WAC: variants seen among roughly 807,000 people sequenced by gnomAD.
WAC encodes WW domain-containing adapter protein with coiled-coil.
WAC carries 11 observed loss-of-function variants against 79.6 expected under a neutral mutation model. The ratio of observed to expected loss-of-function variants is 0.14; its 90% CI spans 0.09 to 0.23. The LOEUF (loss-of-function observed/expected upper bound fraction) is 0.23. Among genes scored for constraint, WAC ranks in the 10% least tolerant of loss-of-function variants. The pLI is 1.00. For missense variants in WAC, 728 were observed against 773.5 expected (o/e 0.94, Z 0.70); for synonymous variants, 304 against 276.9 (o/e 1.10, Z -0.97).
chr10:28,551,784 T>TGTGTGTGTG (rs1837682780), intron 3 of WAC, among the ~76,000 whole-genome samples: 65 of 124,812 alleles, frequency 5.2e-4, no homozygotes, highest in South Asian at 1.8e-3. Flanking sequence ...TCCTGTCTAC[T>TGTGTGTGTG]TGTGTGTGTG....
rs1839641557 is a variant in WAC at position 28,583,438 on chromosome 10, G to A, written c.314G>A (p.Ser105Asn). Residue 105 changes from serine (S) to asparagine (N), a missense_variant, in exon 4 of 14, where the codon AGT becomes AAT. Ser to Asn is a conservative substitution (Grantham distance 46). Coordinates refer to ENST00000354911, the MANE Select transcript of WAC (RefSeq NM_016628.5). ...YSPQENSHNH[S>N]ALHSSNSHSS... ...CCACAAGAAAATTCACACAACCACA[G>A]TGCTCTTCATAGTTCAAATTCACAT... 6.3e-7 allele frequency: 1 copy of A among 1,594,220 alleles called. No individual in the cohort carries two copies. The highest frequency in any genetic ancestry group is 8.5e-7 in the Non-Finnish European group (1 of 1,172,948).
chr10:28,621,251 A>C lies in WAC; in HGVS notation c.*1645A>C, dbSNP rs2132894254. On this transcript the variant is annotated 3_prime_UTR_variant, in exon 14 of 14. Transcript: ENST00000354911. ...TTTTTTTTTTCTGTTGGGGCAGATA[A>C]GTGCTTCCAAAACTGGCAGCACCAA... is the stretch of plus-strand genomic sequence containing the variant. The C allele has an allele frequency of 7.5e-6, 1 of 133,850 alleles. No homozygotes were observed. Among genetic ancestry groups the C allele is most frequent in the African/African-American group, 2.9e-5 (1 of 34,664 alleles). 8.3% of individuals were successfully genotyped at this position (133,850 alleles called of 1,614,324 possible).
At chr10:28,598,049 C>G (rs1313644323) in intron 7 of WAC, among the ~76,000 whole-genome samples, 5 of 152,252 alleles carry the variant, frequency 3.3e-5, no homozygotes, top group African/African-American at 9.6e-5. Flanking sequence ...ATTACAGGTG[C>G]GAGCCACCGT....
intron 3 of WAC, among the ~76,000 whole-genome samples, chr10:28,549,583 C>G (rs1391051660): frequency 6.6e-6 from 1 of 152,118 alleles, no homozygotes; most frequent in Non-Finnish European, 1.5e-5. Flanking sequence ...GTTTACAGAC[C>G]TGTTGTCTCA....
chr10:28,542,346 C>T (rs1035762638), intron 3 of WAC, among the ~76,000 whole-genome samples: 1 of 152,182 alleles, frequency 6.6e-6, no homozygotes, highest in African/African-American at 2.4e-5. Flanking sequence ...TATAACATGA[C>T]ATGGGCATTT....
At chr10:28,573,375 A>T (rs1415945235) in intron 3 of WAC, among the ~76,000 whole-genome samples, 1 of 152,178 alleles carries the variant, frequency 6.6e-6, no homozygotes, top group African/African-American at 2.4e-5. Flanking sequence ...GATATGTCAT[A>T]TAAACTGATT....
intron 2 of WAC, 44 bp downstream of exon 2, chr10:28,534,078 G>C: frequency 6.5e-7 from 1 of 1,538,600 alleles, no homozygotes; most frequent in Non-Finnish European, 8.7e-7. Context: ...GGGGCCGGAG[G>C]GGGAAGGGAG....
Position 28,595,734 on chromosome 10 carries a change from G to A in WAC, c.612G>A (p.Met204Ile). Residue 204 changes from methionine (M) to isoleucine (I), a missense_variant and splice_region_variant, in exon 7 of 14, where the codon ATG becomes ATA. Physicochemically the swap from Met to Ile is conservative, Grantham distance 10. Transcript: ENST00000354911. Reference protein sequence around the residue: ...ATATSGFASGMEDKHSSDASS... With the variant: ...ATATSGFASGIEDKHSSDASS... ...GTTTTTTCGAACTGTGAACTAAAGTGGAAGACAAGCATTCCAGTGATGCCA... is the reference window on the plus strand; with the variant it reads ...GTTTTTTCGAACTGTGAACTAAAGTAGAAGACAAGCATTCCAGTGATGCCA... The A allele has an allele frequency of 6.2e-7, 1 of 1,610,442 alleles. No homozygotes were observed. Among genetic ancestry groups the A allele is most frequent in the Non-Finnish European group, 8.5e-7 (1 of 1,177,198 alleles).
chr10:28,571,240 T>C (rs1056649285), intron 3 of WAC, among the ~76,000 whole-genome samples: 4 of 152,158 alleles, frequency 2.6e-5, no homozygotes, highest in Admixed American at 6.6e-5. Flanking sequence ...CTTAAATATA[T>C]ACTTTTCATG....
intron 10 of WAC, among the ~76,000 whole-genome samples, chr10:28,613,574 T>A (rs1388947702): frequency 6.6e-6 from 1 of 152,226 alleles, no homozygotes; most frequent in Non-Finnish European, 1.5e-5. Context: ...TCAAGTTGTT[T>A]TTAAAATAAT....
intron 1 of WAC, 43 bp from the exon 2 acceptor site, chr10:28,533,955 C>G: frequency 6.2e-7 from 1 of 1,603,152 alleles, no homozygotes; most frequent in Non-Finnish European, 8.5e-7. Flanking sequence ...GCCCCCCACC[C>G]GCGCCGTGTC....
chr10:28,621,215 A>ATTTTTTTTTTTT lies in WAC; in HGVS notation c.*1618_*1629dup, dbSNP rs9331408. Reference sequence around the variant, plus strand: ...TAAATTGGTTTAGGGTTTTTTGGTGATTTTTTTTTTTTTTTTTTTTCTGTT... The same window carrying ATTTTTTTTTTTT: ...TAAATTGGTTTAGGGTTTTTTGGTGATTTTTTTTTTTTTTTTTTTTTTTTTTTTTTTTCTGTT... On this transcript the variant is annotated 3_prime_UTR_variant, in exon 14 of 14. Coordinates refer to ENST00000354911, the MANE Select transcript of WAC (RefSeq NM_016628.5). 9.8e-6 allele frequency: 1 copy of ATTTTTTTTTTTT among 102,504 alleles called. No homozygotes were observed. The allele number at this position is 102,504 out of a possible 1,614,324, so 6.3% of individuals were successfully genotyped here. A position where few individuals can be genotyped will look rare whatever the true frequency, so the allele number is the denominator to read the frequency against.
chr10:28,554,773 C>T (rs1837888967), intron 3 of WAC, among the ~76,000 whole-genome samples: 1 of 152,226 alleles, frequency 6.6e-6, no homozygotes, highest in South Asian at 2.1e-4. Flanking sequence ...TTCCACCCCT[C>T]CGCTTTGCTC....
At chr10:28,556,387 A>ATTTTTTT (rs1837988827) in intron 3 of WAC, among the ~76,000 whole-genome samples, 4 of 29,966 alleles carry the variant, frequency 1.3e-4, no homozygotes, top group Admixed American at 4.5e-4. Flanking sequence ...TTGCCCATTA[A>ATTTTTTT]ATTTTTTTTT....
At chr10:28,558,961 G>C (rs528072185) in intron 3 of WAC, among the ~76,000 whole-genome samples, 3 of 152,250 alleles carry the variant, frequency 2.0e-5, no homozygotes, top group African/African-American at 7.2e-5. Flanking sequence ...AATCAACCCA[G>C]CTCAATTTGT....
chr10:28,578,389 A>C (rs72809647), intron 3 of WAC, among the ~76,000 whole-genome samples: 2 of 152,284 alleles, frequency 1.3e-5, no homozygotes, highest in Non-Finnish European at 2.9e-5. Flanking sequence ...AAAGAGAATA[A>C]AGACACTAAG....
chr10:28,608,246 C>T lies in WAC; in HGVS notation c.980C>T (p.Ala327Val), dbSNP rs1168928107. The change falls in exon 8 of 14, where the codon GCC (alanine) becomes GTC (valine). Residue 327 changes from alanine to valine, a missense_variant. Ala to Val is a moderately conservative substitution (Grantham distance 64). Coordinates refer to ENST00000354911, the MANE Select transcript of WAC (RefSeq NM_016628.5). ...HSCTTPSTSSASGLNPTSAPP... is the reference protein window; with the variant it reads ...HSCTTPSTSSVSGLNPTSAPP... ...TGCACAACTCCTTCCACGTCTTCTG[C>T]CTCTGGACTGAACCCCACATCTGCA... The T allele has an allele frequency of 6.2e-7, 1 of 1,614,176 alleles. No homozygotes were observed. The highest frequency in any genetic ancestry group is 8.5e-7 in the Non-Finnish European group (1 of 1,180,030).
At chr10:28,598,491 A>T (rs1199160384) in intron 7 of WAC, among the ~76,000 whole-genome samples, 1 of 152,162 alleles carries the variant, frequency 6.6e-6, no homozygotes, top group Non-Finnish European at 1.5e-5. Context: ...AGGGCTCAAC[A>T]TTATGTTTTA....
chr10:28,616,243 G>A lies in WAC; in HGVS notation c.1627G>A (p.Val543Ile), dbSNP rs1314295955. The change falls in exon 12 of 14, where the codon GTA (valine) becomes ATA (isoleucine). Residue 543 changes from valine to isoleucine, a missense_variant. Physicochemically the swap from Val to Ile is conservative, Grantham distance 29. This residue lies in a region of WAC where 648 missense variants were observed against 661.5 expected (regional missense o/e 0.98). Transcript: ENST00000354911. ...NSSNASNATV[V>I]PQNSSARSTC... ...TAGTAATGCATCAAATGCAACAGTT[G>A]TACCACAGAATTCTTCTGCCCGATC... 3.7e-6 allele frequency: 6 copies of A among 1,613,940 alleles called. No individual in the cohort carries two copies. The highest frequency in any genetic ancestry group is 1.3e-5 in the African/African-American group (1 of 75,024).
Sources: gnomAD v4.1 joint callset for allele counts (sites outside exome capture counted in the v4.1 genomes callset) on GRCh38, gnomAD v4.1.1 for gene constraint, gnomAD v4.1.1 regional missense constraint, MANE v1.5 for transcripts, NCBI Gene and HGNC (gene_info 2026-07-23, HGNC 2026-07-21) for gene names.